EHMT1: variants seen among roughly 807,000 people sequenced by gnomAD.
The protein encoded by EHMT1 is histone-lysine N-methyltransferase EHMT1.
A neutral mutation model predicts 147.2 loss-of-function variants in EHMT1; 15 were observed. That is an observed-to-expected ratio of 0.10 (90% CI 0.07 to 0.16). The LOEUF is 0.16. Among genes scored for constraint, EHMT1 ranks in the 10% least tolerant of loss-of-function variants. The pLI, the probability that EHMT1 is intolerant of heterozygous loss-of-function variation, is 1.00. For synonymous variants in EHMT1, 795 were observed against 709.6 expected, an observed-to-expected ratio of 1.12 and a Z score of -1.91; for missense variants, 1,587 against 1,772.4, an observed-to-expected ratio of 0.90 and a Z score of 1.88.
At chr9:137,806,449 T>TC (rs1188707901) in intron 18 of EHMT1, among the ~76,000 whole-genome samples, 2 of 152,100 alleles carry the variant, frequency 1.3e-5, no homozygotes, top group East Asian at 3.9e-4. Context: ...AGCTTTTTTT[T>TC]TTTGAAATGG....
chr9:137,834,013 G>A (rs7866649), intron 25 of EHMT1: 18,265 of 389,312 alleles, frequency 0.047, 2,888 homozygotes, highest in African/African-American at 0.35. Flanking sequence ...GTGCCAGACA[G>A]CCCCATGGGT....
intron 3 of EHMT1, among the ~76,000 whole-genome samples, chr9:137,725,444 G>A (rs1946532536): frequency 6.6e-6 from 1 of 152,178 alleles, no homozygotes; most frequent in Non-Finnish European, 1.5e-5. Context: ...AAAAGTAAGG[G>A]CATCCCAGAG....
chr9:137,810,993 G>T (rs1210067741), intron 18 of EHMT1, among the ~76,000 whole-genome samples: 3 of 152,062 alleles, frequency 2.0e-5, no homozygotes, highest in African/African-American at 7.2e-5. Flanking sequence ...GAGCCACCAT[G>T]CCCGGCCCAA....
intron 3 of EHMT1, among the ~76,000 whole-genome samples, chr9:137,720,408 A>G (rs1420476435): frequency 1.3e-5 from 2 of 151,930 alleles, no homozygotes; most frequent in Non-Finnish European, 2.9e-5. Context: ...GGCTGAAGTC[A>G]TCCTCCTGCC....
intron 17 of EHMT1, among the ~76,000 whole-genome samples, chr9:137,800,046 C>T (rs1953325844): frequency 6.6e-6 from 1 of 152,092 alleles, no homozygotes; most frequent in Non-Finnish European, 1.5e-5. Flanking sequence ...GTGTCTGTGA[C>T]AGTAGGATGT....
chr9:137,797,798 A>G (rs1243403503), intron 16 of EHMT1, among the ~76,000 whole-genome samples: 2 of 152,048 alleles, frequency 1.3e-5, no homozygotes, highest in Non-Finnish European at 2.9e-5. Flanking sequence ...ATGAAGGAAC[A>G]TGGTTAAGTG....
At chr9:137,740,785 C>A (rs1427413818) in intron 4 of EHMT1, among the ~76,000 whole-genome samples, 3 of 152,162 alleles carry the variant, frequency 2.0e-5, no homozygotes, top group Non-Finnish European at 4.4e-5. Flanking sequence ...GACTTCCTGA[C>A]ATGATTTATT....
intron 1 of EHMT1, among the ~76,000 whole-genome samples, chr9:137,688,204 A>G (rs1329723846): frequency 2.0e-5 from 3 of 152,120 alleles, no homozygotes; most frequent in Non-Finnish European, 2.9e-5. Context: ...TTGTATTTTT[A>G]GTAGAGACAG....
chr9:137,728,163 G>A (rs1312949943), intron 3 of EHMT1, among the ~76,000 whole-genome samples, 186 bp from the exon 4 acceptor site: 4 of 152,190 alleles, frequency 2.6e-5, no homozygotes, highest in Non-Finnish European at 5.9e-5. Context: ...ACCCATCTGA[G>A]GGGCAACTAG....
intron 18 of EHMT1, among the ~76,000 whole-genome samples, chr9:137,808,690 G>T (rs1564801757): frequency 6.6e-6 from 1 of 151,802 alleles, no homozygotes; most frequent in Non-Finnish European, 1.5e-5. Flanking sequence ...GGGGGCGCGT[G>T]GTGGCAGATC....
chr9:137,832,459 A>C (rs531132833), intron 25 of EHMT1, among the ~76,000 whole-genome samples: 20 of 140,132 alleles, frequency 1.4e-4, no homozygotes, highest in African/African-American at 5.0e-4. Flanking sequence ...GGTCTCCCTC[A>C]GGCCCCGCCT....
At chr9:137,675,942 C>T (rs1195547438) in intron 1 of EHMT1, among the ~76,000 whole-genome samples, 1 of 151,080 alleles carries the variant, frequency 6.6e-6, no homozygotes, top group Non-Finnish European at 1.5e-5. Flanking sequence ...CGCCACTACG[C>T]CCGGCTAATT....
intron 1 of EHMT1, among the ~76,000 whole-genome samples, chr9:137,639,177 G>C (rs1328921): frequency 6.6e-6 from 1 of 151,668 alleles, no homozygotes. Context: ...TGTAATTCCT[G>C]TATGGTCAGA....
intron 18 of EHMT1, among the ~76,000 whole-genome samples, chr9:137,806,184 C>T (rs1953933885): frequency 6.6e-6 from 1 of 151,626 alleles, no homozygotes; most frequent in Admixed American, 6.6e-5. Context: ...TGGTTTCAAA[C>T]TCCCAACCTC....
intron 1 of EHMT1, among the ~76,000 whole-genome samples, chr9:137,688,135 T>C (rs975180401): frequency 2.6e-5 from 4 of 152,196 alleles, no homozygotes; most frequent in Non-Finnish European, 5.9e-5. Flanking sequence ...GTGATTCTTC[T>C]GCCTCAGCCT....
At chr9:137,665,307 A>G (rs1020246439) in intron 1 of EHMT1, among the ~76,000 whole-genome samples, 1 of 152,126 alleles carries the variant, frequency 6.6e-6, no homozygotes, top group African/African-American at 2.4e-5. Flanking sequence ...CCTGTAAGAA[A>G]TTTGGAGCTG....
chr9:137,752,736 C>T (rs956507983), intron 7 of EHMT1, among the ~76,000 whole-genome samples: 5 of 151,852 alleles, frequency 3.3e-5, no homozygotes, highest in Admixed American at 6.6e-5. Flanking sequence ...TTTGGGATTC[C>T]GCTGCATCGG....
intron 14 of EHMT1, among the ~76,000 whole-genome samples, chr9:137,780,780 G>A (rs1392318255): frequency 9.6e-6 from 1 of 103,870 alleles, no homozygotes; most frequent in Non-Finnish European, 1.8e-5. Flanking sequence ...TGGTGATGAC[G>A]CTGAGATGTG....
At chr9:137,696,853 T>C (rs370472519) in intron 1 of EHMT1, among the ~76,000 whole-genome samples, 1 of 152,288 alleles carries the variant, frequency 6.6e-6, no homozygotes, top group East Asian at 1.9e-4. Flanking sequence ...ACCAGATCAG[T>C]TCCAGGGGAG....
Sources: allele counts gnomAD v4.1 joint callset (sites outside exome capture counted in the v4.1 genomes callset), GRCh38; gene constraint gnomAD v4.1.1; transcripts MANE v1.5; gene names NCBI Gene and HGNC (gene_info 2026-07-23, HGNC 2026-07-21).